Variants in SCPEP1 observed in about 807,000 individuals in gnomAD.
SCPEP1 encodes the protein serine carboxypeptidase 1, also known as retinoid-inducible serine carboxypeptidase.
A neutral mutation model predicts 63.8 loss-of-function variants in SCPEP1; 51 were observed. The ratio of observed to expected loss-of-function variants is 0.80; its 90% CI spans 0.64 to 1.01. The LOEUF is 1.01. Ranked by LOEUF, SCPEP1 falls within the 50% of genes least tolerant of loss-of-function variation. The pLI is 0.00. For missense variants in SCPEP1, 499 were observed against 554.9 expected (o/e 0.90, Z 1.01); for synonymous variants, 204 against 207.8 (o/e 0.98, Z 0.16).
In SCPEP1 at chr17:56,991,055, G is replaced by A. The variant is rs375323404; in HGVS notation, c.547-44G>A. 17 of 1,404,008 alleles carry A rather than the reference G, an allele frequency of 1.2e-5. No homozygotes were observed. The African/African-American group carries it at 2.0e-4, about 16-fold the overall frequency. 87.0% of individuals were successfully genotyped at this position (1,404,008 alleles called of 1,614,324 possible). On this transcript the variant is annotated intron_variant, in intron 5 of 12. Coordinates refer to ENST00000262288, the MANE Select transcript of SCPEP1 (RefSeq NM_021626.3). ...CCAAAGTGTTGGGATTACTGCGTGA[G>A]CCACTGCACCTGGCCTGAGGACGTT...
At chr17:56,988,139 T>C (rs1911279617) in intron 4 of SCPEP1, 77 bp from the exon 5 acceptor site, 8 of 1,214,700 alleles carry the variant, frequency 6.6e-6, no homozygotes, top group Middle Eastern at 3.9e-4. Flanking sequence ...TTACGTGCAA[T>C]AGAAATTTGA....
At chr17:56,983,698 G>A (rs994389212) in intron 2 of SCPEP1, 1 of 152,164 alleles carries the variant, frequency 6.6e-6, no homozygotes, top group Non-Finnish European at 1.5e-5. Context: ...ATATGATCAG[G>A]GGGATGTATA....
At chr17:56,989,393 G>C (rs551703827) in intron 5 of SCPEP1, among the ~76,000 whole-genome samples, 1 of 152,110 alleles carries the variant, frequency 6.6e-6, no homozygotes, top group African/African-American at 2.4e-5. Context: ...AAGTGCTGTC[G>C]TGCACTTTTG....
chr17:56,987,684 G>A lies in SCPEP1; in HGVS notation c.316-11G>A, dbSNP rs371740708. 65 of 1,610,560 alleles carry A rather than the reference G, an allele frequency of 4.0e-5. No homozygotes were observed. Among genetic ancestry groups the A allele is most frequent in the Non-Finnish European group, 3.8e-5 (45 of 1,178,698 alleles). On this transcript the variant is annotated splice_polypyrimidine_tract_variant and intron_variant, in intron 3 of 12. Coordinates refer to ENST00000262288, the MANE Select transcript of SCPEP1 (RefSeq NM_021626.3). ...TGATTGCAACATTTCGTTTTCCTCC[G>A]TGGTACATAGCTCCAGGCTGCCAGT...
chr17:56,998,634 C>T (rs1051670316), intron 10 of SCPEP1, 136 bp downstream of exon 10: 45 of 661,290 alleles, frequency 6.8e-5, no homozygotes, highest in Non-Finnish European at 9.6e-5. Flanking sequence ...TTACTATCCA[C>T]GTTTTGTAGG....
Position 57,006,207 on chromosome 17 carries a change from T to C in SCPEP1, c.1331T>C (p.Met444Thr). The C allele has an allele frequency of 1.9e-6, 3 of 1,611,486 alleles. No homozygotes were observed. The highest frequency in any genetic ancestry group is 2.5e-6 in the Non-Finnish European group (3 of 1,178,898). ...GACCAAGGGGACATGGCTCTGAAGA[T>C]GATGAGACTGGTGACTCAGCAAGAA... The part of the protein sequence containing the change: ...PSDQGDMALK[M>T]MRLVTQQE The change falls in exon 13 of 13, where the codon ATG becomes ACG. Residue 444 changes from methionine (M) to threonine (T), a missense_variant. Transcript: ENST00000262288.
In SCPEP1 at chr17:56,996,212, T is replaced by TATTG. The variant is rs1911554018; in HGVS notation, c.786+580_786+581insGATT. On this transcript the variant is annotated intron_variant, in intron 8 of 12. Transcript: ENST00000262288. ...TTTACTTTTTCTTTTTTCCTCTATT[T>TATTG]ATTTATTTATTTATTTATTTTTGAG... Among the ~76,000 whole-genome samples the TATTG allele has an allele frequency of 2.7e-5, 4 of 149,292 alleles. No individual in the cohort carries two copies. The South Asian group carries it at 8.3e-4, about 31-fold the overall frequency.
intron 3 of SCPEP1, 95 bp from the exon 4 acceptor site, chr17:56,987,598 CAT>C (rs1471375747): frequency 1.3e-5 from 16 of 1,213,400 alleles, no homozygotes; most frequent in Middle Eastern, 2.8e-4. Flanking sequence ...GGTATCCTCA[CAT>C]GTGTGGGTTT....
intron 8 of SCPEP1, among the ~76,000 whole-genome samples, chr17:56,996,667 G>A (rs1402561941): frequency 6.6e-6 from 1 of 151,592 alleles, no homozygotes; most frequent in East Asian, 1.9e-4. Context: ...CTACAGGTGA[G>A]CACCACCACG....
intron 6 of SCPEP1, among the ~76,000 whole-genome samples, chr17:56,994,216 G>T (rs1911479556): frequency 6.6e-6 from 1 of 152,150 alleles, no homozygotes; most frequent in Non-Finnish European, 1.5e-5. Flanking sequence ...TTGCCTTAAG[G>T]AGCCATTGAA....
Position 56,985,400 on chromosome 17 carries a change from C to G in SCPEP1, c.248C>G (p.Thr83Ser), listed in dbSNP as rs1379596278. ...TAGGGCGGTCCAGGCGGTTCTAGCA[C>G]TGGATTTGGAAACTTTGAGGAAATT... Reference protein sequence around the residue: ...WLQGGPGGSSTGFGNFEEIGP... With the variant: ...WLQGGPGGSSSGFGNFEEIGP... Residue 83 changes from threonine to serine, a missense_variant, in exon 3 of 13, where the codon ACT (threonine) becomes AGT (serine). By Grantham distance (58) the Thr-to-Ser change is moderately conservative (BLOSUM62 1). Transcript: ENST00000262288. The G allele has an allele frequency of 2.5e-6, 4 of 1,614,094 alleles. No homozygotes were observed. In the African/African-American group the frequency reaches 4.0e-5, roughly 16 times the overall value.
chr17:56,985,124 G>GAA (rs1268205848), intron 2 of SCPEP1: 8 of 523,062 alleles, frequency 1.5e-5, no homozygotes, highest in African/African-American at 3.8e-5. Context: ...GAAAAGAAAA[G>GAA]AAAAAATCAG....
At chr17:57,002,734 G>A (rs143324244) in intron 12 of SCPEP1, among the ~76,000 whole-genome samples, 3 of 151,810 alleles carry the variant, frequency 2.0e-5, no homozygotes, top group South Asian at 2.1e-4. Flanking sequence ...AACCGGGCAC[G>A]GTGGCGCATG....
At chr17:57,002,510 G>A (rs186561087) in intron 12 of SCPEP1, among the ~76,000 whole-genome samples, 48 of 152,328 alleles carry the variant, frequency 3.2e-4, no homozygotes, top group Admixed American at 1.6e-3. Context: ...GAGCTCAAGA[G>A]TTCAAGACCA....
intron 3 of SCPEP1, chr17:56,987,298 G>A (rs1597916165): frequency 6.3e-6 from 1 of 158,576 alleles, no homozygotes. Context: ...AAACTGATGT[G>A]TGTCCAGACT....
chr17:56,995,607 G>C lies in SCPEP1; in HGVS notation c.758G>C (p.Trp253Ser). ...KGLYREATELWGKAEMIIEQN... is the reference protein window; with the variant it reads ...KGLYREATELSGKAEMIIEQN... ...CTCTACAGAGAGGCCACAGAGCTGT[G>C]GGGGAAAGCAGAAATGATCATTGAA... The change falls in exon 8 of 13, where the codon TGG (tryptophan) becomes TCG (serine). Residue 253 changes from tryptophan (W) to serine (S), a missense_variant. By Grantham distance (177) the Trp-to-Ser change is radical (BLOSUM62 -3). Transcript: ENST00000262288. 6.2e-7 allele frequency: 1 copy of C among 1,613,918 alleles called. No homozygotes were observed.
At chr17:56,999,175 G>A (rs1017429827) in intron 10 of SCPEP1, among the ~76,000 whole-genome samples, 5 of 152,154 alleles carry the variant, frequency 3.3e-5, no homozygotes, top group African/African-American at 9.7e-5. Context: ...ACAGTTGGTT[G>A]CAGATGAGAT....
chr17:57,003,583 A>G (rs891583438), intron 12 of SCPEP1, among the ~76,000 whole-genome samples: 3 of 152,172 alleles, frequency 2.0e-5, no homozygotes, highest in African/African-American at 7.2e-5. Context: ...TGAATTGCCT[A>G]TAGAACAGAA....
chr17:56,994,102 C>A (rs1274646312), intron 6 of SCPEP1, among the ~76,000 whole-genome samples: 1 of 152,118 alleles, frequency 6.6e-6, no homozygotes, highest in Non-Finnish European at 1.5e-5. Flanking sequence ...TTTGGGAGAC[C>A]AAAGCGAGCA....
Sources: gnomAD v4.1 joint callset for allele counts (sites outside exome capture counted in the v4.1 genomes callset) on GRCh38, gnomAD v4.1.1 for gene constraint, MANE v1.5 for transcripts, NCBI Gene and HGNC (gene_info 2026-07-23, HGNC 2026-07-21) for gene names.